The following TTC3 variants were observed in gnomAD, a reference collection of about 807,000 sequenced individuals.
TTC3 encodes the protein tetratricopeptide repeat domain 3.
Under a neutral mutation model 249.6 loss-of-function variants are expected in TTC3, and 180 were observed. The observed-to-expected ratio is 0.72, with a 90% CI of 0.64 to 0.82. The LOEUF is 0.82. TTC3 is among the 40% of genes least tolerant of loss of function. The probability of loss-of-function intolerance (pLI) is 0.00; values close to 1 mark genes in which losing one functional copy is unlikely to be tolerated. For missense variants in TTC3, 2,061 were observed against 2,398.4 expected (o/e 0.86, Z 2.94); for synonymous variants, 717 against 805.0 (o/e 0.89, Z 1.85).
chr21:37,161,993 A>C (rs1412992232), exon 31 of TTC3: 1 of 1,582,790 alleles, frequency 6.3e-7, no homozygotes, highest in Non-Finnish European at 8.6e-7. Context: ...AAACCAGCCT[A>C]TGTTAGTTGG....
intron 16 of TTC3, among the ~76,000 whole-genome samples, chr21:37,130,569 C>T (rs1368143090): frequency 2.0e-5 from 3 of 152,130 alleles, no homozygotes; most frequent in Non-Finnish European, 4.4e-5. Flanking sequence ...TTACTGTTAC[C>T]ACCATCATTT....
At chr21:37,166,236 G>C in exon 33 of TTC3, 1 of 1,614,124 alleles carries the variant, frequency 6.2e-7, no homozygotes, top group Non-Finnish European at 8.5e-7. Context: ...GTGTTACCAG[G>C]TTTGCCCCAG....
chr21:37,194,669 G>A (rs2148226266), intron 41 of TTC3: 1 of 152,298 alleles, frequency 6.6e-6, no homozygotes, highest in South Asian at 2.1e-4. Flanking sequence ...ATCTACCCAT[G>A]ATATTGTGAA....
chr21:37,132,709 A>G (rs1472161621), exon 17 of TTC3: 4 of 1,608,526 alleles, frequency 2.5e-6, no homozygotes, highest in Non-Finnish European at 3.4e-6. Flanking sequence ...CTTTACCAGC[A>G]GATTTGAAGA....
intron 44 of TTC3, 105 bp from the exon 45 acceptor site, chr21:37,200,127 C>A (rs1459302118): frequency 1.0e-6 from 1 of 958,746 alleles, no homozygotes; most frequent in Non-Finnish European, 1.5e-6. Flanking sequence ...AATAATTTGC[C>A]ACCCTTTGTG....
At chr21:37,103,581 T>TCA (rs2074738717) in intron 10 of TTC3, among the ~76,000 whole-genome samples, 1 of 152,198 alleles carries the variant, frequency 6.6e-6, no homozygotes, top group African/African-American at 2.4e-5. Flanking sequence ...TTAATTGCAT[T>TCA]CATATACTAA....
intron 1 of TTC3, chr21:37,086,295 T>C (rs998207744): frequency 2.0e-5 from 3 of 152,168 alleles, no homozygotes; most frequent in Non-Finnish European, 4.4e-5. Context: ...CAAGTAATAG[T>C]GTTTATGATG....
chr21:37,133,545 A>C lies in TTC3; in HGVS notation c.1443+779A>C, dbSNP rs557804364. On this transcript the variant is annotated intron_variant, in intron 17 of 45. Coordinates refer to ENST00000355666, the Ensembl canonical transcript of TTC3. The stretch of plus-strand genomic sequence containing the variant: ...TGAAGATGAAAAGACTATTTAAATA[A>C]ATATGATCGCTGTTTTTGAGCCTCT... 2.6e-5 allele frequency among the ~76,000 whole-genome samples: 4 copies of C among 152,360 alleles called. No individual in the cohort carries two copies. In the South Asian group the frequency reaches 8.3e-4, roughly 32 times the overall value.
exon 41 of TTC3, chr21:37,192,130 A>G (rs765189989): frequency 6.2e-7 from 1 of 1,603,456 alleles, no homozygotes; most frequent in Admixed American, 1.7e-5. Context: ...TGAAGAACAA[A>G]TTAAGGCAAT....
chr21:37,159,599 C>A, intron 28 of TTC3, 100 bp from the exon 29 acceptor site: 1 of 1,311,874 alleles, frequency 7.6e-7, no homozygotes, highest in East Asian at 2.4e-5. Context: ...TAGAACATGG[C>A]CTATGCCAGT....
intron 11 of TTC3, among the ~76,000 whole-genome samples, chr21:37,110,993 C>T (rs771201701): frequency 1.1e-4 from 17 of 152,152 alleles, no homozygotes; most frequent in Non-Finnish European, 2.4e-4. Flanking sequence ...ACTTCACAGA[C>T]AAGCAAATGC....
At chr21:37,095,108 C>A (rs1381340699) in intron 8 of TTC3, among the ~76,000 whole-genome samples, 1 of 139,426 alleles carries the variant, frequency 7.2e-6, no homozygotes, top group African/African-American at 2.6e-5. Context: ...TGCCCTCCAA[C>A]CTGGGTGACA....
In TTC3 at chr21:37,135,531, A is replaced by G. The variant is rs372801686; in HGVS notation, c.1578+17A>G. 104 of 1,608,960 alleles carry G rather than the reference A, an allele frequency of 6.5e-5. No homozygotes were observed. The highest frequency in any genetic ancestry group is 1.6e-4 in the Middle Eastern group (1 of 6,066). On this transcript the variant is annotated intron_variant, in intron 18 of 45. Coordinates refer to ENST00000355666, the Ensembl canonical transcript of TTC3. ...AAAATAAAGGTAAATTTGCCATATC[A>G]TAACTTGTTTATCAATGCTAATGCA...
intron 5 of TTC3, 23 bp downstream of exon 5, chr21:37,088,909 C>G: frequency 6.2e-7 from 1 of 1,600,748 alleles, no homozygotes; most frequent in South Asian, 1.1e-5. Flanking sequence ...ATGTAGGTTC[C>G]CCCGAGCCCT....
chr21:37,127,305 C>T (rs535401789), intron 15 of TTC3, among the ~76,000 whole-genome samples: 1 of 152,204 alleles, frequency 6.6e-6, no homozygotes, highest in African/African-American at 2.4e-5. Flanking sequence ...ATATCCAGAC[C>T]ATAACAGTGC....
intron 13 of TTC3, among the ~76,000 whole-genome samples, chr21:37,123,508 T>A (rs2076792155): frequency 6.6e-6 from 1 of 152,208 alleles, no homozygotes; most frequent in South Asian, 2.1e-4. Context: ...TAGACTTGAG[T>A]ATGCTCACAA....
chr21:37,110,600 C>T (rs535894019), intron 11 of TTC3, among the ~76,000 whole-genome samples: 7 of 152,262 alleles, frequency 4.6e-5, no homozygotes, highest in East Asian at 3.9e-4. Flanking sequence ...CTGAAAGTGA[C>T]GGGGAGAATG....
chr21:37,188,639 T>G (rs376770024), intron 39 of TTC3, 44 bp downstream of exon 39: 4 of 1,478,312 alleles, frequency 2.7e-6, no homozygotes, highest in Non-Finnish European at 3.8e-6. Flanking sequence ...ATTTAGAAGA[T>G]AAAGCTAGGA....
At chr21:37,122,894 A>G (rs2076736926) in intron 12 of TTC3, 89 bp from the exon 13 acceptor site, 1 of 1,359,364 alleles carries the variant, frequency 7.4e-7, no homozygotes, top group Non-Finnish European at 1.0e-6. Flanking sequence ...GGTCCTTACT[A>G]TCAGCTTAAA....
Sources: allele counts gnomAD v4.1 joint callset (sites outside exome capture counted in the v4.1 genomes callset), GRCh38; gene constraint gnomAD v4.1.1; transcripts MANE v1.5; gene names NCBI Gene and HGNC (gene_info 2026-07-23, HGNC 2026-07-21).